The following SPDYA variants were observed in gnomAD, a reference collection of about 807,000 sequenced individuals.
SPDYA encodes the protein speedy protein A.
Under a neutral mutation model 36.7 loss-of-function variants are expected in SPDYA, and 11 were observed. The ratio of observed to expected loss-of-function variants is 0.30; its 90% CI spans 0.19 to 0.50. The LOEUF (loss-of-function observed/expected upper bound fraction) is 0.50, where lower values mean the gene tolerates loss of function less well. SPDYA is among the 20% of genes least tolerant of loss of function. The probability of loss-of-function intolerance (pLI) is 0.98; values close to 1 mark genes in which losing one functional copy is unlikely to be tolerated. For synonymous variants in SPDYA, 115 were observed against 118.7 expected (o/e 0.97, Z 0.20); for missense variants, 287 against 370.9 (o/e 0.77, Z 1.86).
intron 5 of SPDYA, among the ~76,000 whole-genome samples, chr2:28,826,577 T>C (rs191879400): frequency 7.3e-5 from 11 of 151,708 alleles, no homozygotes; most frequent in African/African-American, 2.7e-4. Flanking sequence ...TCCCCATCAC[T>C]TATCTTTGAA....
At chr2:28,841,253 C>G (rs1318283714) in intron 7 of SPDYA, among the ~76,000 whole-genome samples, 1 of 152,014 alleles carries the variant, frequency 6.6e-6, no homozygotes, top group East Asian at 1.9e-4. Context: ...ATTTTTAATT[C>G]TGACATGGTA....
chr2:28,823,260 T>A lies in SPDYA; in HGVS notation c.380+850T>A, dbSNP rs180696918. On this transcript the variant is annotated intron_variant, in intron 5 of 7. Transcript: ENST00000334056. ...GTTCTTCCACTGACTTTAGTTTATA[T>A]TCATTGTGATCTGTGAAATGGTTTT... Among the ~76,000 whole-genome samples the A allele has an allele frequency of 4.6e-5, 7 of 152,332 alleles. No homozygotes were observed. The East Asian group carries it at 1.4e-3, about 29-fold the overall frequency.
rs1425644055 is a variant in SPDYA at position 28,816,034 on chromosome 2, G to A, written c.20G>A (p.Cys7Tyr). MRHNQM[C>Y]CETPPTVTVY... is the part of the protein sequence containing the mutation. The stretch of plus-strand genomic sequence containing the variant: ...ACCAAAATGAGGCACAATCAGATGT[G>A]TTGTGAGACACCACCTACTGTCACT... Residue 7 changes from cysteine (C) to tyrosine (Y), a missense_variant, in exon 3 of 8, where the codon TGT becomes TAT. Transcript: ENST00000334056. The A allele has an allele frequency of 6.2e-7, 1 of 1,613,084 alleles. No homozygotes were observed. Among genetic ancestry groups the A allele is most frequent in the African/African-American group, 1.3e-5 (1 of 74,986 alleles).
intron 1 of SPDYA, among the ~76,000 whole-genome samples, chr2:28,813,473 C>G (rs1356810430): frequency 6.6e-6 from 1 of 152,006 alleles, no homozygotes; most frequent in African/African-American, 2.4e-5. Context: ...AAGCAGAATT[C>G]TTAGCCACGG....
Position 28,823,816 on chromosome 2 carries a change from G to C in SPDYA, c.380+1406G>C, listed in dbSNP as rs1391955276. On this transcript the variant is annotated intron_variant, in intron 5 of 7. Coordinates refer to ENST00000334056, the MANE Select transcript of SPDYA (RefSeq NM_182756.4). The stretch of plus-strand genomic sequence containing the variant: ...GCTGGAGTGCAGTGGCGTGATCTTG[G>C]CTCACTGCAACCTCTGCCTCCCGGG... Among the ~76,000 whole-genome samples, 21 of 131,716 alleles carry C rather than the reference G, an allele frequency of 1.6e-4. No individual in the cohort carries two copies. In the East Asian group the frequency reaches 5.1e-3, roughly 32 times the overall value. 86.4% of individuals were successfully genotyped at this position (131,716 alleles called of 152,430 possible).
intron 6 of SPDYA, among the ~76,000 whole-genome samples, chr2:28,835,657 T>C (rs1206684876): frequency 1.3e-5 from 2 of 152,236 alleles, no homozygotes; most frequent in Non-Finnish European, 2.9e-5. Flanking sequence ...TTCTTATCCA[T>C]TAAATAGGGA....
intron 7 of SPDYA, among the ~76,000 whole-genome samples, chr2:28,846,217 C>A (rs973736534): frequency 6.6e-6 from 1 of 152,084 alleles, no homozygotes; most frequent in Admixed American, 6.5e-5. Context: ...CCAGCCTGGC[C>A]AACATGGTGA....
At chr2:28,826,312 T>G (rs1668317816) in intron 5 of SPDYA, among the ~76,000 whole-genome samples, 1 of 151,998 alleles carries the variant, frequency 6.6e-6, no homozygotes, top group South Asian at 2.1e-4. Context: ...AACTTTTGTA[T>G]TTTTAGTAGA....
chr2:28,832,515 C>T (rs984839699), intron 6 of SPDYA, among the ~76,000 whole-genome samples: 2 of 152,170 alleles, frequency 1.3e-5, no homozygotes, highest in Admixed American at 1.3e-4. Context: ...TCCAGATCTG[C>T]ATACGAAATC....
rs1669015382 is a variant in SPDYA at position 28,850,268 on chromosome 2, A to G, written c.*327A>G. On this transcript the variant is annotated 3_prime_UTR_variant, in exon 8 of 8. Transcript: ENST00000334056. ...CTAATTTAAGAGAAGAAAAACATAAAGTCATTATATTAATTAAAAGAAAAA... is the reference window on the plus strand; with the variant it reads ...CTAATTTAAGAGAAGAAAAACATAAGGTCATTATATTAATTAAAAGAAAAA... The G allele has an allele frequency of 6.2e-7, 1 of 1,606,580 alleles. No homozygotes were observed. The highest frequency in any genetic ancestry group is 8.5e-7 in the Non-Finnish European group (1 of 1,175,294).
chr2:28,837,332 A>G (rs756913727), intron 6 of SPDYA, among the ~76,000 whole-genome samples: 7 of 152,210 alleles, frequency 4.6e-5, no homozygotes, highest in Admixed American at 2.6e-4. Flanking sequence ...TCAAATATAT[A>G]TAACAGGAAG....
rs1376343318 is a variant in SPDYA, at chr2:28,822,317, C to A, written c.295-8C>A. 1.8e-5 allele frequency: 26 copies of A among 1,429,404 alleles called. No homozygotes were observed. The Admixed American group carries it at 5.7e-4, about 31-fold the overall frequency. 88.5% of individuals were successfully genotyped at this position (1,429,404 alleles called of 1,614,324 possible). A position where few individuals can be genotyped will look rare whatever the true frequency, so the allele number is the denominator to read the frequency against. On this transcript the variant is annotated splice_polypyrimidine_tract_variant and splice_region_variant and intron_variant, in intron 4 of 7. Coordinates refer to ENST00000334056, the MANE Select transcript of SPDYA (RefSeq NM_182756.4). ...ATTAATATTAATTTTTAACTTTTTT[C>A]CTTATAGTATCTTTTGGCTATGACC...
At position 28,822,419 on chromosome 2, in the gene SPDYA, AC is replaced by A. The variant is rs201677380; in HGVS notation, c.380+10del. ...AATTTCTTTATTGCTCTGTAAGTAT[AC>A]TTTCTACTAAGTGATTGTTGTGTTA... On this transcript the variant is annotated intron_variant, in intron 5 of 7. Coordinates refer to ENST00000334056, the MANE Select transcript of SPDYA (RefSeq NM_182756.4). 1,082 of 1,385,844 alleles carry A rather than the reference AC, an allele frequency of 7.8e-4. 14 individuals carry two copies. The African/African-American group carries it at 0.014, about 18-fold the overall frequency. The allele number at this position is 1,385,844 out of a possible 1,614,324, so 85.8% of individuals were successfully genotyped here. A position where few individuals can be genotyped will look rare whatever the true frequency, so the allele number is the denominator to read the frequency against.
At chr2:28,840,544 G>C in intron 7 of SPDYA, 75 bp downstream of exon 7, 2 of 1,523,804 alleles carry the variant, frequency 1.3e-6, no homozygotes, top group South Asian at 2.6e-5. Context: ...TTTCTGGCGG[G>C]GATACATAAT....
At chr2:28,840,920 T>C (rs1572514798) in intron 7 of SPDYA, 9 of 191,378 alleles carry the variant, frequency 4.7e-5, no homozygotes, top group Non-Finnish European at 8.2e-5. Context: ...TATTGAGTCC[T>C]CCAAAACCAG....
chr2:28,842,025 G>A (rs1278110723), intron 7 of SPDYA: 1 of 152,142 alleles, frequency 6.6e-6, no homozygotes, highest in East Asian at 1.9e-4. Context: ...ACTTTAGGGT[G>A]AATACTATAC....
intron 4 of SPDYA, among the ~76,000 whole-genome samples, chr2:28,819,843 AAAAAAAATATATATATATATATATATAT>A (rs1220134441): frequency 1.4e-3 from 59 of 42,852 alleles, no homozygotes; most frequent in African/African-American, 6.7e-3. Flanking sequence ...AAAAAAAAAA[AAAAAAAATATATATATATATATATATAT>A]ATATATATAT....
At chr2:28,814,019 C>T (rs956335153) in intron 1 of SPDYA, among the ~76,000 whole-genome samples, 11 of 152,168 alleles carry the variant, frequency 7.2e-5, no homozygotes, top group Admixed American at 7.2e-4. Context: ...ACCCGCACCC[C>T]AAGTACATAA....
intron 5 of SPDYA, among the ~76,000 whole-genome samples, chr2:28,823,470 A>C (rs994061108): frequency 6.6e-6 from 1 of 151,096 alleles, no homozygotes; most frequent in African/African-American, 2.4e-5. Flanking sequence ...CTAAAAATAC[A>C]CAAGTTAGCT....
Sources: allele counts gnomAD v4.1 joint callset (sites outside exome capture counted in the v4.1 genomes callset), GRCh38; gene constraint gnomAD v4.1.1; transcripts MANE v1.5; gene names NCBI Gene and HGNC (gene_info 2026-07-23, HGNC 2026-07-21).